RIBC2: variants seen among roughly 807,000 people sequenced by gnomAD.
The protein encoded by RIBC2 is RIB43A-like with coiled-coils protein 2.
RIBC2 carries 40 observed loss-of-function variants against 44.3 expected under a neutral mutation model. The observed-to-expected ratio is 0.90, with a 90% CI of 0.70 to 1.18. RIBC2 has a LOEUF of 1.18. Among genes scored for constraint, RIBC2 ranks in the 50% most tolerant of loss-of-function variants. RIBC2 has a pLI of 0.00. For synonymous variants in RIBC2, 171 were observed against 175.0 expected (o/e 0.98, Z 0.18); for missense variants, 459 against 485.5 (o/e 0.95, Z 0.51).
At position 45,431,143 on chromosome 22, in the gene RIBC2, G is replaced by A. The variant is rs1017128056; in HGVS notation, c.1070+77G>A. 6.2e-5 allele frequency: 90 copies of A among 1,460,914 alleles called. No individual in the cohort carries two copies. The Middle Eastern group carries it at 8.2e-4, about 13-fold the overall frequency. The allele number at this position is 1,460,914 out of a possible 1,614,324, so 90.5% of individuals were successfully genotyped here. A position where few individuals can be genotyped will look rare whatever the true frequency, so the allele number is the denominator to read the frequency against. On this transcript the variant is annotated intron_variant, in intron 6 of 6. Coordinates refer to ENST00000614167, the MANE Select transcript of RIBC2 (RefSeq NM_015653.5). ...CGGGGCTGTGGAGGTCAAGGACGAG[G>A]AGGGGGCAGGAGGGGAAACACCCCG...
At chr22:45,430,437 G>T (rs1039504425) in intron 5 of RIBC2, among the ~76,000 whole-genome samples, 4 of 152,168 alleles carry the variant, frequency 2.6e-5, no homozygotes, top group Non-Finnish European at 5.9e-5. Flanking sequence ...TCCTGTCACC[G>T]GGTGAGGCTG....
intron 2 of RIBC2, among the ~76,000 whole-genome samples, chr22:45,416,364 T>C (rs545030161): frequency 6.6e-6 from 1 of 152,224 alleles, no homozygotes; most frequent in Non-Finnish European, 1.5e-5. Flanking sequence ...AGAAGTGGAA[T>C]TGATGGATCA....
intron 5 of RIBC2, among the ~76,000 whole-genome samples, chr22:45,427,713 C>T (rs9614663): frequency 0.14 from 21,996 of 152,294 alleles, 1,659 homozygotes; most frequent in Middle Eastern, 0.26. Flanking sequence ...CGGCCCACTG[C>T]AACCTCTGCC....
At chr22:45,417,544 T>C in intron 2 of RIBC2, 58 bp from the exon 3 acceptor site, 2 of 1,275,916 alleles carry the variant, frequency 1.6e-6, no homozygotes, top group Non-Finnish European at 2.1e-6. Context: ...ATAAAATGGA[T>C]TCAAATTTAT....
chr22:45,432,257 C>CTTT, intron 6 of RIBC2, 27 bp from the exon 7 acceptor site: 4 of 1,146,532 alleles, frequency 3.5e-6, no homozygotes, highest in South Asian at 1.5e-5. Flanking sequence ...ATTTGCTGAC[C>CTTT]TTTTTTTTTT....
At chr22:45,419,987 C>G (rs896287105) in intron 3 of RIBC2, among the ~76,000 whole-genome samples, 2 of 152,208 alleles carry the variant, frequency 1.3e-5, no homozygotes, top group Non-Finnish European at 2.9e-5. Context: ...GATTGTGCCA[C>G]TGCACTCCAC....
chr22:45,414,096 C>A (rs2087391869), intron 1 of RIBC2, 81 bp downstream of exon 1: 1 of 1,518,824 alleles, frequency 6.6e-7, no homozygotes, highest in Non-Finnish European at 8.9e-7. Context: ...GAGATGAGTT[C>A]TAGGATGAAA....
chr22:45,414,188 TCTC>T (rs2087393729), intron 1 of RIBC2, 131 bp from the exon 2 acceptor site: 1 of 1,478,022 alleles, frequency 6.8e-7, no homozygotes, highest in African/African-American at 1.4e-5. Flanking sequence ...CACCAACGGT[TCTC>T]CTCCCCTGAG....
chr22:45,421,768 CCTT>C (rs2087487498), intron 3 of RIBC2, among the ~76,000 whole-genome samples: 1 of 151,710 alleles, frequency 6.6e-6, no homozygotes, highest in African/African-American at 2.4e-5. Flanking sequence ...TGCTTTTGGA[CCTT>C]CTACCTTGAC....
At chr22:45,418,802 A>G (rs2087450667) in intron 3 of RIBC2, among the ~76,000 whole-genome samples, 1 of 151,908 alleles carries the variant, frequency 6.6e-6, no homozygotes, top group Non-Finnish European at 1.5e-5. Flanking sequence ...TCCATGAGTG[A>G]TGTCTCCCCA....
At chr22:45,428,596 G>T (rs969860333) in intron 5 of RIBC2, among the ~76,000 whole-genome samples, 1 of 152,150 alleles carries the variant, frequency 6.6e-6, no homozygotes, top group Non-Finnish European at 1.5e-5. Flanking sequence ...GGGAGCTTGC[G>T]GGTGAACAGA....
At chr22:45,427,707 C>A (rs2087546208) in intron 5 of RIBC2, among the ~76,000 whole-genome samples, 2 of 152,196 alleles carry the variant, frequency 1.3e-5, no homozygotes, top group South Asian at 4.1e-4. Flanking sequence ...CAGTCTCGGC[C>A]CACTGCAACC....
At position 45,417,744 on chromosome 22, in the gene RIBC2, C is replaced by T. The variant is rs537413464; in HGVS notation, c.354C>T (p.Ser118=). ...AAACTCGCCGTGAATTTGATCTGTC[C>T]GACCCCCTAGCCCTTAAGAAAGATC... ...KPETRREFDL[S]DPLALKKDLP... The change falls in exon 3 of 7, where the codon TCC becomes TCT. Residue 118 remains serine (S), a synonymous_variant. Transcript: ENST00000614167. 1.3e-5 allele frequency: 21 copies of T among 1,614,070 alleles called. No individual in the cohort carries two copies. Among genetic ancestry groups the T allele is most frequent in the East Asian group, 6.7e-5 (3 of 44,880 alleles).
At chr22:45,414,058 G>A in intron 1 of RIBC2, 43 bp downstream of exon 1, 1 of 1,547,044 alleles carries the variant, frequency 6.5e-7, no homozygotes, top group Non-Finnish European at 8.7e-7. Context: ...CGGCAGATGC[G>A]GGCGAGGGGC....
chr22:45,418,559 C>G (rs1263119696), intron 3 of RIBC2, among the ~76,000 whole-genome samples: 1 of 152,222 alleles, frequency 6.6e-6, no homozygotes, highest in Non-Finnish European at 1.5e-5. Context: ...CACTGACCCG[C>G]CCAGCCACTT....
rs1309795085 is a variant in RIBC2, at chr22:45,414,338, G to A, written c.146G>A (p.Trp49Ter). Residue 49 changes from tryptophan to a stop codon, truncating the protein, a stop_gained, in exon 2 of 7, where the codon TGG (tryptophan) becomes TAG (stop). Coordinates refer to ENST00000614167, the MANE Select transcript of RIBC2 (RefSeq NM_015653.5). LOFTEE classifies it high-confidence loss of function. ...NRIIGGDTEA[W>*]DVQVHDQKIK... ...CATTTATAGGGAGACACTGAAGCCTGGGATGTTCAAGTTCATGACCAGAAG... is the reference window on the plus strand; with the variant it reads ...CATTTATAGGGAGACACTGAAGCCTAGGATGTTCAAGTTCATGACCAGAAG... The A allele has an allele frequency of 6.4e-7, 1 of 1,550,830 alleles. No individual in the cohort carries two copies. Among genetic ancestry groups the A allele is most frequent in the African/African-American group, 1.4e-5 (1 of 72,958 alleles).
chr22:45,426,482 G>A (rs1410192756), intron 5 of RIBC2, among the ~76,000 whole-genome samples: 2 of 152,246 alleles, frequency 1.3e-5, no homozygotes, highest in Non-Finnish European at 2.9e-5. Context: ...AGGGTGAGCT[G>A]CAAGGGCAAA....
intron 2 of RIBC2, among the ~76,000 whole-genome samples, chr22:45,415,499 T>C (rs1569206520): frequency 6.6e-6 from 1 of 152,054 alleles, no homozygotes; most frequent in Non-Finnish European, 1.5e-5. Context: ...AAAAACAATG[T>C]GACAGGTACA....
In RIBC2 at chr22:45,417,725, G is replaced by T; in HGVS notation, c.335G>T (p.Arg112Leu). 6.2e-7 allele frequency: 1 copy of T among 1,614,034 alleles called. No homozygotes were observed. Among genetic ancestry groups the T allele is most frequent in the Non-Finnish European group, 8.5e-7 (1 of 1,179,982 alleles). The change falls in exon 3 of 7, where the codon CGC becomes CTC. Residue 112 changes from arginine to leucine, a missense_variant. Physicochemically the swap from Arg to Leu is moderately radical, Grantham distance 102. Transcript: ENST00000614167. ...FQQSFQKPETRREFDLSDPLA... is the reference protein window; with the variant it reads ...FQQSFQKPETLREFDLSDPLA... ...CAGAGCTTTCAGAAGCCAGAAACTC[G>T]CCGTGAATTTGATCTGTCCGACCCC...
Sources: allele counts gnomAD v4.1 joint callset (sites outside exome capture counted in the v4.1 genomes callset), GRCh38; gene constraint gnomAD v4.1.1; transcripts MANE v1.5; gene names NCBI Gene and HGNC (gene_info 2026-07-23, HGNC 2026-07-21).